PTPRO: variants seen among roughly 807,000 people sequenced by gnomAD.
PTPRO encodes protein tyrosine phosphatase receptor type O.
Under a neutral mutation model 145.2 loss-of-function variants are expected in PTPRO, and 62 were observed. The ratio of observed to expected loss-of-function variants is 0.43; its 90% confidence interval spans 0.35 to 0.53. PTPRO has a LOEUF of 0.53. PTPRO is among the 20% of genes least tolerant of loss of function. PTPRO has a pLI of 0.01. For synonymous variants in PTPRO, 565 were observed against 514.7 expected (o/e 1.10, Z -1.32); for missense variants, 1,345 against 1,482.7 (o/e 0.91, Z 1.53).
intron 23 of PTPRO, among the ~76,000 whole-genome samples, chr12:15,582,237 C>T (rs1944336810): frequency 6.6e-6 from 1 of 152,222 alleles, no homozygotes; most frequent in Admixed American, 6.5e-5. Flanking sequence ...TCAGCATGGG[C>T]ATCAAGGCCA....
chr12:15,479,120 G>A (rs567101374), intron 1 of PTPRO, among the ~76,000 whole-genome samples: 1 of 152,330 alleles, frequency 6.6e-6, no homozygotes, highest in East Asian at 1.9e-4. Context: ...AGCCTGAGAC[G>A]GTGAGGATGA....
chr12:15,406,019 A>T (rs1565611165), intron 1 of PTPRO, among the ~76,000 whole-genome samples: 1 of 152,132 alleles, frequency 6.6e-6, no homozygotes, highest in Non-Finnish European at 1.5e-5. Flanking sequence ...ATTAAATTTA[A>T]TTTTTTATTC....
At chr12:15,446,120 C>CAGCATG (rs1225207554) in intron 1 of PTPRO, among the ~76,000 whole-genome samples, 1 of 152,098 alleles carries the variant, frequency 6.6e-6, no homozygotes, top group Non-Finnish European at 1.5e-5. Flanking sequence ...TGCACTTTCT[C>CAGCATG]AGCATGTTAT....
At chr12:15,366,415 A>G (rs887784059) in intron 1 of PTPRO, among the ~76,000 whole-genome samples, 4 of 152,122 alleles carry the variant, frequency 2.6e-5, no homozygotes, top group Admixed American at 2.6e-4. Context: ...TAATGTTTAA[A>G]CTTTGACACT....
intron 1 of PTPRO, among the ~76,000 whole-genome samples, chr12:15,386,652 G>A (rs1161747800): frequency 1.3e-5 from 2 of 152,190 alleles, no homozygotes; most frequent in African/African-American, 4.8e-5. Context: ...GTATAATATA[G>A]GTTTTCCATA....
At chr12:15,436,735 G>A (rs1022266917) in intron 1 of PTPRO, among the ~76,000 whole-genome samples, 1 of 152,228 alleles carries the variant, frequency 6.6e-6, no homozygotes, top group East Asian at 1.9e-4. Context: ...CTAGCACCAT[G>A]GCTACAGAGG....
Position 15,450,782 on chromosome 12 carries a change from T to A in PTPRO, c.76-33192T>A, listed in dbSNP as rs538333400. 2.1e-4 allele frequency among the ~76,000 whole-genome samples: 32 copies of A among 151,626 alleles called. No homozygotes were observed. In the East Asian group the frequency reaches 2.3e-3, roughly 11 times the overall value. ...AGTTACATGCTGTCTCAAAAAAAATTTTTTTTTAAATAAAAAAACTACCAA... is the reference window on the plus strand; with the variant it reads ...AGTTACATGCTGTCTCAAAAAAAATATTTTTTTAAATAAAAAAACTACCAA... On this transcript the variant is annotated intron_variant, in intron 1 of 26. Transcript: ENST00000281171.
chr12:15,553,383 G>A (rs552933197), intron 15 of PTPRO, among the ~76,000 whole-genome samples: 93 of 152,186 alleles, frequency 6.1e-4, no homozygotes, highest in Non-Finnish European at 1.2e-3. Context: ...CTAGGAGGTG[G>A]GTAGGCTTCA....
At chr12:15,400,131 C>T (rs1395940784) in intron 1 of PTPRO, among the ~76,000 whole-genome samples, 2 of 149,130 alleles carry the variant, frequency 1.3e-5, no homozygotes, top group Non-Finnish European at 3.0e-5. Flanking sequence ...GCTGGGATTA[C>T]AGACATGCGC....
At chr12:15,451,695 TTCAAAA>T (rs1385933584) in intron 1 of PTPRO, among the ~76,000 whole-genome samples, 2 of 152,120 alleles carry the variant, frequency 1.3e-5, no homozygotes, top group African/African-American at 2.4e-5. Flanking sequence ...AAAAGGAACT[TTCAAAA>T]CCATGCAAAT....
At chr12:15,556,826 T>A (rs996650256) in intron 15 of PTPRO, among the ~76,000 whole-genome samples, 18 of 152,116 alleles carry the variant, frequency 1.2e-4, no homozygotes, top group Non-Finnish European at 2.5e-4. Context: ...TGTAAAAAAA[T>A]AAATAAATAT....
intron 10 of PTPRO, among the ~76,000 whole-genome samples, chr12:15,520,606 C>A (rs970774930): frequency 6.6e-6 from 1 of 152,108 alleles, no homozygotes; most frequent in African/African-American, 2.4e-5. Context: ...ATATGGCAGG[C>A]ACAGCCATCA....
chr12:15,355,311 G>T (rs1177248662), intron 1 of PTPRO, among the ~76,000 whole-genome samples: 3 of 152,282 alleles, frequency 2.0e-5, no homozygotes, highest in East Asian at 3.9e-4. Flanking sequence ...TCCCAGGTTT[G>T]TTTGGGATTT....
chr12:15,515,429 A>C, intron 7 of PTPRO, 69 bp from the exon 8 acceptor site: 2 of 1,584,210 alleles, frequency 1.3e-6, no homozygotes. Context: ...TCTGAATATT[A>C]TACCAGCCTC....
chr12:15,448,339 TAA>T lies in PTPRO; in HGVS notation c.76-35615_76-35614del, dbSNP rs56136736. Among the ~76,000 whole-genome samples, 149 of 45,042 alleles carry T rather than the reference TAA, an allele frequency of 3.3e-3. 3 individuals carry two copies. The highest frequency in any genetic ancestry group is 8.0e-3 in the African/African-American group (122 of 15,298). The allele number at this position is 45,042 out of a possible 152,430, so 29.5% of individuals were successfully genotyped here. A position where few individuals can be genotyped will look rare whatever the true frequency, so the allele number is the denominator to read the frequency against. On this transcript the variant is annotated intron_variant, in intron 1 of 26. Coordinates refer to ENST00000281171, the MANE Select transcript of PTPRO (RefSeq NM_030667.3). ...CTCTATTCTATCTTCCTGTTCCTAG[TAA>T]AAAAAAAAAAAAAAAAAAAGCACCG... is the stretch of plus-strand genomic sequence containing the variant.
At chr12:15,437,896 C>T (rs917990347) in intron 1 of PTPRO, among the ~76,000 whole-genome samples, 1 of 152,212 alleles carries the variant, frequency 6.6e-6, no homozygotes, top group African/African-American at 2.4e-5. Flanking sequence ...CCCTTTATGG[C>T]TCCTACCCCC....
In PTPRO at chr12:15,476,374, G is replaced by A. The variant is rs139023990; in HGVS notation, c.76-7600G>A. Among the ~76,000 whole-genome samples, 883 of 152,230 alleles carry A rather than the reference G, an allele frequency of 5.8e-3. 3 individuals carry two copies. Among genetic ancestry groups the A allele is most frequent in the Admixed American group, 0.016 (238 of 15,284 alleles). On this transcript the variant is annotated intron_variant, in intron 1 of 26. Coordinates refer to ENST00000281171, the MANE Select transcript of PTPRO (RefSeq NM_030667.3). ...GGGCTCTTTGCTTTCCTTAAAAAAT[G>A]CATTGTTCATGTCCTTCGCCCACTT...
chr12:15,523,164 T>G (rs536657252), intron 10 of PTPRO, among the ~76,000 whole-genome samples: 2 of 152,264 alleles, frequency 1.3e-5, no homozygotes, highest in Non-Finnish European at 2.9e-5. Flanking sequence ...TATTACAAAT[T>G]CTTCAGTGAA....
chr12:15,344,618 T>A (rs527537280), intron 1 of PTPRO, among the ~76,000 whole-genome samples: 1 of 152,310 alleles, frequency 6.6e-6, no homozygotes, highest in East Asian at 1.9e-4. Flanking sequence ...AAAATTTACT[T>A]AATGAAGTTT....
Sources: allele counts gnomAD v4.1 joint callset (sites outside exome capture counted in the v4.1 genomes callset), GRCh38; gene constraint gnomAD v4.1.1; transcripts MANE v1.5; gene names NCBI Gene and HGNC (gene_info 2026-07-23, HGNC 2026-07-21).